COMMD10: variants seen among roughly 807,000 people sequenced by gnomAD.
COMMD10 encodes COMM domain-containing protein 10.
Under a neutral mutation model 28.9 loss-of-function variants are expected in COMMD10, and 33 were observed. That is an observed-to-expected ratio of 1.14 (90% CI 0.87 to 1.53). COMMD10 has a LOEUF of 1.53. Ranked by LOEUF, COMMD10 falls within the 40% of genes most tolerant of loss-of-function variation. The pLI is 0.00. For synonymous variants in COMMD10, 110 were observed against 81.7 expected (o/e 1.35, Z -1.87); for missense variants, 310 against 233.4 (o/e 1.33, Z -2.14).
At chr5:116,208,989 TG>T (rs1262836435) in intron 5 of COMMD10, among the ~76,000 whole-genome samples, 1 of 152,190 alleles carries the variant, frequency 6.6e-6, no homozygotes, top group Non-Finnish European at 1.5e-5. Flanking sequence ...TTTTTACTTT[TG>T]TTTTTTATTT....
At chr5:116,185,750 TG>T (rs761642933) in intron 5 of COMMD10, among the ~76,000 whole-genome samples, 40 of 152,138 alleles carry the variant, frequency 2.6e-4, no homozygotes, top group African/African-American at 9.4e-4. Flanking sequence ...ATTTTAAAAC[TG>T]GTAAATAACA....
intron 5 of COMMD10, among the ~76,000 whole-genome samples, chr5:116,271,171 ACT>A (rs1290602423): frequency 4.7e-5 from 7 of 149,450 alleles, no homozygotes; most frequent in Non-Finnish European, 7.4e-5. Context: ...ATTAAAGAGT[ACT>A]CTCTGTACAG....
At chr5:116,207,674 C>T (rs1748848220) in intron 5 of COMMD10, among the ~76,000 whole-genome samples, 2 of 152,078 alleles carry the variant, frequency 1.3e-5, no homozygotes, top group Non-Finnish European at 2.9e-5. Context: ...CCCAGGCATG[C>T]ATCACCACAC....
At chr5:116,100,214 C>T (rs959581352) in intron 4 of COMMD10, among the ~76,000 whole-genome samples, 2 of 151,934 alleles carry the variant, frequency 1.3e-5, no homozygotes, top group African/African-American at 2.4e-5. Flanking sequence ...TTAGGGATGC[C>T]GAACCTCTGT....
intron 5 of COMMD10, among the ~76,000 whole-genome samples, chr5:116,259,410 A>C (rs987092871): frequency 6.6e-6 from 1 of 151,356 alleles, no homozygotes; most frequent in African/African-American, 2.4e-5. Context: ...TATCTTTTCA[A>C]ATCTCACTGA....
Position 116,293,192 on chromosome 5 carries a change from G to A in COMMD10, c.*703G>A, listed in dbSNP as rs1450976314. ...GTCTTGAATAAAATAATTGTAATGA[G>A]TGCTAAATGGGCACCATTATTCGAA... On this transcript the variant is annotated 3_prime_UTR_variant, in exon 7 of 7. Transcript: ENST00000274458. 5.1e-6 allele frequency: 2 copies of A among 389,156 alleles called. No individual in the cohort carries two copies. Among genetic ancestry groups the A allele is most frequent in the Non-Finnish European group, 9.1e-6 (2 of 220,282 alleles). The allele number at this position is 389,156 out of a possible 1,614,324, so 24.1% of individuals were successfully genotyped here.
At chr5:116,154,674 A>T (rs1752647262) in intron 5 of COMMD10, among the ~76,000 whole-genome samples, 1 of 151,320 alleles carries the variant, frequency 6.6e-6, no homozygotes, top group Non-Finnish European at 1.5e-5. Flanking sequence ...GGCCACCTTT[A>T]TTCATCACAC....
chr5:116,202,642 A>G (rs1414996109), intron 5 of COMMD10, among the ~76,000 whole-genome samples: 6 of 151,818 alleles, frequency 4.0e-5, no homozygotes, highest in East Asian at 1.9e-4. Context: ...GCCAGTGATG[A>G]TGAGCATTTT....
intron 4 of COMMD10, among the ~76,000 whole-genome samples, chr5:116,105,049 A>C (rs554370523): frequency 2.4e-4 from 36 of 152,280 alleles, no homozygotes; most frequent in Admixed American, 8.5e-4. Context: ...TTCAAAGGGA[A>C]TTCTTCCAGT....
At chr5:116,119,465 A>G (rs1751350823) in intron 4 of COMMD10, among the ~76,000 whole-genome samples, 1 of 152,232 alleles carries the variant, frequency 6.6e-6, no homozygotes, top group Non-Finnish European at 1.5e-5. Context: ...AGGCTGCCTA[A>G]TGGGTAACCC....
At chr5:116,085,115 T>C (rs1561590939) in intron 1 of COMMD10, 22 bp downstream of exon 1, 1 of 1,591,018 alleles carries the variant, frequency 6.3e-7, no homozygotes, top group Admixed American at 1.7e-5. Flanking sequence ...GTTAAGCTCT[T>C]GCGGTAGCCG....
At chr5:116,266,821 T>G (rs1050555313) in intron 5 of COMMD10, among the ~76,000 whole-genome samples, 1 of 151,942 alleles carries the variant, frequency 6.6e-6, no homozygotes. Context: ...TAATCCATCA[T>G]ATAAACAGAA....
intron 5 of COMMD10, among the ~76,000 whole-genome samples, chr5:116,140,651 G>A (rs1016355490): frequency 1.3e-4 from 19 of 151,566 alleles, no homozygotes; most frequent in Non-Finnish European, 2.4e-4. Flanking sequence ...TTTTGGTTTT[G>A]TTTGCATTTC....
At chr5:116,147,965 C>T (rs1752398939) in intron 5 of COMMD10, among the ~76,000 whole-genome samples, 1 of 151,754 alleles carries the variant, frequency 6.6e-6, no homozygotes, top group Non-Finnish European at 1.5e-5. Context: ...ACATGAGCTT[C>T]TACTCAGCAA....
At chr5:116,142,672 T>G (rs1752230867) in intron 5 of COMMD10, among the ~76,000 whole-genome samples, 1 of 151,734 alleles carries the variant, frequency 6.6e-6, no homozygotes. Flanking sequence ...AGGAGGCCAG[T>G]AAAAAGCCCA....
intron 4 of COMMD10, among the ~76,000 whole-genome samples, chr5:116,130,332 T>C (rs1049864284): frequency 6.6e-6 from 1 of 151,902 alleles, no homozygotes; most frequent in African/African-American, 2.4e-5. Flanking sequence ...TATGTTATGA[T>C]AGATGGCAAA....
At chr5:116,262,363 T>C (rs555360123) in intron 5 of COMMD10, among the ~76,000 whole-genome samples, 16 of 151,868 alleles carry the variant, frequency 1.1e-4, no homozygotes, top group African/African-American at 3.4e-4. Flanking sequence ...TGAAATTAAA[T>C]TTAAAGAGAG....
intron 5 of COMMD10, among the ~76,000 whole-genome samples, chr5:116,241,289 C>G (rs1254640315): frequency 2.0e-5 from 3 of 152,076 alleles, no homozygotes; most frequent in African/African-American, 7.2e-5. Flanking sequence ...AAAAATAAAA[C>G]TGAAGGTAGA....
At chr5:116,229,593 A>C (rs538258336) in intron 5 of COMMD10, among the ~76,000 whole-genome samples, 2 of 152,146 alleles carry the variant, frequency 1.3e-5, no homozygotes, top group East Asian at 1.9e-4. Context: ...CAAAAGGAGA[A>C]GACAGTATGA....
Sources: allele counts gnomAD v4.1 joint callset (sites outside exome capture counted in the v4.1 genomes callset), GRCh38; gene constraint gnomAD v4.1.1; transcripts MANE v1.5; gene names NCBI Gene and HGNC (gene_info 2026-07-23, HGNC 2026-07-21).